Variants in VGLL4 observed in about 807,000 individuals in gnomAD.
VGLL4 encodes the protein transcription cofactor vestigial-like protein 4.
A neutral mutation model predicts 21.0 loss-of-function variants in VGLL4; 7 were observed. That is an observed-to-expected ratio of 0.33 (90% confidence interval 0.19 to 0.63). VGLL4 has a LOEUF of 0.63. Ranked by LOEUF, VGLL4 falls within the 20% of genes least tolerant of loss-of-function variation. The probability of loss-of-function intolerance (pLI) is 0.78; values close to 1 mark genes in which losing one functional copy is unlikely to be tolerated. For synonymous variants in VGLL4, 222 were observed against 173.2 expected, an observed-to-expected ratio of 1.28 and a Z score of -2.21; for missense variants, 394 against 425.7, an observed-to-expected ratio of 0.93 and a Z score of 0.66.
At chr3:11,686,806 G>A (rs866304023) in intron 2 of VGLL4, among the ~76,000 whole-genome samples, 11 of 151,932 alleles carry the variant, frequency 7.2e-5, no homozygotes, top group South Asian at 6.2e-4. Flanking sequence ...ATTCTATCTC[G>A]GCATTTTTCA....
intron 2 of VGLL4, among the ~76,000 whole-genome samples, chr3:11,688,999 G>A (rs1461449359): frequency 6.6e-6 from 1 of 151,788 alleles, no homozygotes; most frequent in African/African-American, 2.4e-5. Flanking sequence ...TCTAGCCTGG[G>A]GACTGAGTGA....
intron 2 of VGLL4, among the ~76,000 whole-genome samples, chr3:11,700,832 G>C (rs1575543735): frequency 6.6e-6 from 1 of 152,176 alleles, no homozygotes; most frequent in South Asian, 2.1e-4. Flanking sequence ...TTCGGCCTGA[G>C]CTGCCTCTCC....
chr3:11,650,631 C>T (rs1228865596), intron 2 of VGLL4, among the ~76,000 whole-genome samples: 1 of 152,148 alleles, frequency 6.6e-6, no homozygotes, highest in Non-Finnish European at 1.5e-5. Flanking sequence ...CCGCTGTGCT[C>T]TTCCTCCCAG....
Position 11,557,239 on chromosome 3 carries a change from A to T in VGLL4, c.*1317T>A, listed in dbSNP as rs2072520876. 1 of 152,824 alleles carries T rather than the reference A, an allele frequency of 6.5e-6. No individual in the cohort carries two copies. The highest frequency in any genetic ancestry group is 1.5e-5 in the Non-Finnish European group (1 of 68,042). 9.5% of individuals were successfully genotyped at this position (152,824 alleles called of 1,614,324 possible). Reference sequence around the variant, plus strand: ...CTAGTTAGTAGCTATTAATATAGCAAATAATAAATGCAGTAATAACAGTAT... The same window carrying T: ...CTAGTTAGTAGCTATTAATATAGCATATAATAAATGCAGTAATAACAGTAT... On this transcript the variant is annotated 3_prime_UTR_variant, in exon 5 of 5. Transcript: ENST00000430365.
chr3:11,701,998 TTTCACC>T lies in VGLL4; in HGVS notation c.64+967_64+972del, dbSNP rs1163927201. Reference sequence around the variant, plus strand: ...TAGAATAATCTTCCAATATTGTTCCTTTCACCCATCCCTCAAACTACACTAATGAAC... The same window carrying T: ...TAGAATAATCTTCCAATATTGTTCCTCATCCCTCAAACTACACTAATGAAC... On this transcript the variant is annotated intron_variant, in intron 2 of 5. Coordinates refer to the VGLL4 transcript ENST00000273038. Among the ~76,000 whole-genome samples the T allele has an allele frequency of 1.1e-4, 17 of 152,302 alleles. No homozygotes were observed. The South Asian group carries it at 2.9e-3, about 26-fold the overall frequency.
chr3:11,599,661 G>C (rs936752805), intron 2 of VGLL4, among the ~76,000 whole-genome samples: 2 of 143,970 alleles, frequency 1.4e-5, no homozygotes, highest in African/African-American at 5.3e-5. Flanking sequence ...TGGGATGACA[G>C]GCATGCACCA....
chr3:11,578,898 C>T (rs912378916), intron 2 of VGLL4, among the ~76,000 whole-genome samples: 2 of 151,756 alleles, frequency 1.3e-5, no homozygotes, highest in Non-Finnish European at 2.9e-5. Flanking sequence ...TACAAGCGCC[C>T]GCCACCACGC....
chr3:11,664,666 T>C (rs548312125), intron 2 of VGLL4, among the ~76,000 whole-genome samples: 1 of 152,268 alleles, frequency 6.6e-6, no homozygotes, highest in Non-Finnish European at 1.5e-5. Context: ...GGAGTGTGTA[T>C]CCATCTAATA....
At chr3:11,629,833 A>T (rs762770818) in intron 1 of VGLL4, among the ~76,000 whole-genome samples, 21 of 152,144 alleles carry the variant, frequency 1.4e-4, no homozygotes, top group Non-Finnish European at 2.6e-4. Flanking sequence ...CAAAGAATCT[A>T]AAGAGGGAAT....
At chr3:11,563,183 C>T (rs1559857282) in intron 3 of VGLL4, among the ~76,000 whole-genome samples, 1 of 152,212 alleles carries the variant, frequency 6.6e-6, no homozygotes, top group Non-Finnish European at 1.5e-5. Context: ...AGTTATGTCC[C>T]CCAGGTCATC....
intron 2 of VGLL4, chr3:11,702,745 C>T (rs61290616): frequency 1.3e-4 from 24 of 187,496 alleles, no homozygotes; most frequent in Non-Finnish European, 2.3e-4. Context: ...AAAAAAAAAA[C>T]AAAAAAAAAA....
chr3:11,598,873 T>C (rs1575434994), intron 2 of VGLL4, among the ~76,000 whole-genome samples: 2 of 152,230 alleles, frequency 1.3e-5, no homozygotes, highest in African/African-American at 4.8e-5. Context: ...TTTCATTACA[T>C]GTTATTAACA....
intron 2 of VGLL4, among the ~76,000 whole-genome samples, chr3:11,574,568 C>T (rs545819286): frequency 1.3e-5 from 2 of 152,298 alleles, no homozygotes; most frequent in East Asian, 3.9e-4. Context: ...TAAGTTCCAG[C>T]ACTATGGTCA....
chr3:11,635,087 G>C (rs1236372144), intron 1 of VGLL4, among the ~76,000 whole-genome samples: 1 of 152,208 alleles, frequency 6.6e-6, no homozygotes, highest in African/African-American at 2.4e-5. Context: ...TTGCCACTAG[G>C]ATATCATTTA....
Position 11,558,450 on chromosome 3 carries a change from C to G in VGLL4, c.*106G>C. 3.0e-5 allele frequency: 41 copies of G among 1,357,316 alleles called. No individual in the cohort carries two copies. The highest frequency in any genetic ancestry group is 3.4e-5 in the Non-Finnish European group (35 of 1,021,462). 84.1% of individuals were successfully genotyped at this position (1,357,316 alleles called of 1,614,324 possible). On this transcript the variant is annotated 3_prime_UTR_variant, in exon 5 of 5. Coordinates refer to ENST00000430365, the MANE Select transcript of VGLL4 (RefSeq NM_001128219.3). The stretch of plus-strand genomic sequence containing the variant: ...GGTTTTTGCAAATAAACCATCCCTT[C>G]CCTTCCCCCCACCCCACCCCCATGA...
intron 1 of VGLL4, among the ~76,000 whole-genome samples, chr3:11,606,672 A>AAC (rs2074948484): frequency 6.6e-6 from 1 of 152,194 alleles, no homozygotes; most frequent in Non-Finnish European, 1.5e-5. Context: ...ACACTCTGTA[A>AAC]AAACACATCA....
At chr3:11,573,774 G>A (rs1242625750) in intron 2 of VGLL4, among the ~76,000 whole-genome samples, 2 of 152,204 alleles carry the variant, frequency 1.3e-5, no homozygotes, top group African/African-American at 4.8e-5. Flanking sequence ...GTAATGGGTT[G>A]AACTGTGTCC....
At chr3:11,578,625 TA>T (rs1357255326) in intron 2 of VGLL4, among the ~76,000 whole-genome samples, 2 of 148,940 alleles carry the variant, frequency 1.3e-5, no homozygotes, top group Non-Finnish European at 3.0e-5. Context: ...TAATAATAAA[TA>T]AATAAACCCC....
At chr3:11,609,360 T>C (rs77837177) in intron 1 of VGLL4, among the ~76,000 whole-genome samples, 2,002 of 152,258 alleles carry the variant, frequency 0.013, 51 homozygotes, top group African/African-American at 0.046. Context: ...AAAAAGCAGA[T>C]TCAACAAAGC....
Sources: gnomAD v4.1 joint callset for allele counts (sites outside exome capture counted in the v4.1 genomes callset) on GRCh38, gnomAD v4.1.1 for gene constraint, MANE v1.5 for transcripts, NCBI Gene and HGNC (gene_info 2026-07-23, HGNC 2026-07-21) for gene names.